The following TENM3 variants were observed in gnomAD, a reference collection of about 807,000 sequenced individuals.
TENM3 encodes teneurin transmembrane protein 3.
TENM3 carries 63 observed loss-of-function variants against 255.1 expected under a neutral mutation model. The observed-to-expected ratio is 0.25, with a 90% confidence interval of 0.20 to 0.30. The LOEUF (loss-of-function observed/expected upper bound fraction) is 0.30, where lower values mean the gene tolerates loss of function less well. Ranked by LOEUF, TENM3 falls within the 10% of genes least tolerant of loss-of-function variation. The pLI is 1.00. For missense variants in TENM3, 2,929 were observed against 3,461.1 expected, an observed-to-expected ratio of 0.85 and a Z score of 3.86; for synonymous variants, 1,306 against 1,322.3, an observed-to-expected ratio of 0.99 and a Z score of 0.27.
At chr4:182,738,602 G>T in intron 18 of TENM3, 58 bp downstream of exon 18, 1 of 1,421,160 alleles carries the variant, frequency 7.0e-7, no homozygotes, top group Non-Finnish European at 9.5e-7. Context: ...GATAGCTAAT[G>T]TTGCCCACTT....
At chr4:181,611,699 G>A in the TENM3 span, among the ~76,000 whole-genome samples, 7 of 152,164 alleles carry the variant, frequency 4.6e-5, no homozygotes, top group Admixed American at 6.5e-5. Context: ...GTTATAATGA[G>A]TGCAAACTTT....
chr4:181,916,750 G>A, the TENM3 span, among the ~76,000 whole-genome samples: 1 of 152,052 alleles, frequency 6.6e-6, no homozygotes, highest in African/African-American at 2.4e-5. Flanking sequence ...GGTGGCGCGT[G>A]CTCGTAATCC....
At chr4:182,687,856 T>C (rs1159953492) in intron 11 of TENM3, among the ~76,000 whole-genome samples, 1 of 152,164 alleles carries the variant, frequency 6.6e-6, no homozygotes, top group East Asian at 1.9e-4. Context: ...CCTCTATATA[T>C]GTAATGTTTT....
chr4:181,882,280 A>G, the TENM3 span, among the ~76,000 whole-genome samples: 4,052 of 152,302 alleles, frequency 0.027, 65 homozygotes, highest in African/African-American at 0.033. Flanking sequence ...TTATTCCTCT[A>G]CATGGGAGCT....
At chr4:182,321,165 A>C (rs1763024442) in intron 1 of TENM3, among the ~76,000 whole-genome samples, 1 of 152,104 alleles carries the variant, frequency 6.6e-6, no homozygotes, top group Non-Finnish European at 1.5e-5. Context: ...TGGAAACAAA[A>C]TTTCCCTGGA....
the TENM3 span, among the ~76,000 whole-genome samples, chr4:181,816,938 C>T: frequency 6.6e-6 from 1 of 152,172 alleles, no homozygotes; most frequent in Non-Finnish European, 1.5e-5. Context: ...TCTTAATCAT[C>T]CTATGAGAGA....
the TENM3 span, among the ~76,000 whole-genome samples, chr4:181,827,458 T>G: frequency 6.6e-6 from 1 of 152,128 alleles, no homozygotes; most frequent in Non-Finnish European, 1.5e-5. Flanking sequence ...AGCCTAAAAG[T>G]AGCTCACACA....
At chr4:181,713,948 G>T in the TENM3 span, among the ~76,000 whole-genome samples, 1 of 152,166 alleles carries the variant, frequency 6.6e-6, no homozygotes, top group African/African-American at 2.4e-5. Context: ...CACAGGTTAA[G>T]ACAGGTACTT....
chr4:182,750,488 A>T (rs1033379705), intron 19 of TENM3, among the ~76,000 whole-genome samples: 4 of 152,068 alleles, frequency 2.6e-5, no homozygotes, highest in African/African-American at 9.7e-5. Context: ...TAAGAATAGA[A>T]TCTCTTACAG....
chr4:181,605,536 A>AAG, the TENM3 span, among the ~76,000 whole-genome samples: 26 of 29,690 alleles, frequency 8.8e-4, 2 homozygotes, highest in African/African-American at 2.1e-3. Context: ...GAAAGAAAGA[A>AAG]AGAAAGAAAG....
chr4:182,571,470 G>C (rs1744360430), intron 3 of TENM3, among the ~76,000 whole-genome samples: 1 of 152,188 alleles, frequency 6.6e-6, no homozygotes, highest in Non-Finnish European at 1.5e-5. Context: ...AGGTTTCAGT[G>C]AGCCAAGATG....
At chr4:182,709,691 G>T (rs970526514) in intron 12 of TENM3, among the ~76,000 whole-genome samples, 1 of 152,008 alleles carries the variant, frequency 6.6e-6, no homozygotes, top group African/African-American at 2.4e-5. Context: ...ATTTCAGAAA[G>T]TTTTTTCTTC....
At chr4:181,825,325 C>T in the TENM3 span, among the ~76,000 whole-genome samples, 5 of 133,366 alleles carry the variant, frequency 3.7e-5, no homozygotes, top group Admixed American at 8.9e-5. Context: ...CACTTGAACC[C>T]GGGAGGTGGA....
At chr4:182,521,111 A>G (rs1738519606) in intron 3 of TENM3, among the ~76,000 whole-genome samples, 1 of 152,170 alleles carries the variant, frequency 6.6e-6, no homozygotes, top group Admixed American at 6.6e-5. Context: ...AGCATCTAAA[A>G]CTTAGAAAAT....
At chr4:181,813,130 G>A in the TENM3 span, among the ~76,000 whole-genome samples, 1 of 152,174 alleles carries the variant, frequency 6.6e-6, no homozygotes, top group Non-Finnish European at 1.5e-5. Context: ...TCTGCAACTG[G>A]TGAGGCCCTG....
intron 3 of TENM3, among the ~76,000 whole-genome samples, chr4:182,545,239 G>T (rs1020451426): frequency 6.6e-6 from 1 of 152,180 alleles, no homozygotes; most frequent in Non-Finnish European, 1.5e-5. Flanking sequence ...TACTTGATAT[G>T]TCTGTTTGCG....
At chr4:182,435,370 T>G (rs1771968643) in intron 3 of TENM3, among the ~76,000 whole-genome samples, 1 of 152,242 alleles carries the variant, frequency 6.6e-6, no homozygotes, top group African/African-American at 2.4e-5. Context: ...ACTTGACTTG[T>G]GAGTTGGTTG....
At chr4:182,041,487 C>A in the TENM3 span, among the ~76,000 whole-genome samples, 1 of 152,188 alleles carries the variant, frequency 6.6e-6, no homozygotes, top group Non-Finnish European at 1.5e-5. Flanking sequence ...GGGTAGCCTG[C>A]AAACATTGTT....
chr4:181,919,942 T>C, the TENM3 span, among the ~76,000 whole-genome samples: 1 of 142,300 alleles, frequency 7.0e-6, no homozygotes, highest in Non-Finnish European at 1.5e-5. Flanking sequence ...GTCCATGTGT[T>C]CTCATTGTTC....
Sources: allele counts gnomAD v4.1 joint callset (sites outside exome capture counted in the v4.1 genomes callset), GRCh38; gene constraint gnomAD v4.1.1; transcripts MANE v1.5; gene names NCBI Gene and HGNC (gene_info 2026-07-23, HGNC 2026-07-21).